Variants in PPP1R13B observed in about 807,000 individuals in gnomAD.
The protein encoded by PPP1R13B is apoptosis-stimulating of p53 protein 1.
In PPP1R13B, 44 loss-of-function variants were observed where a neutral mutation model predicts 119.8. The ratio of observed to expected loss-of-function variants is 0.37; its 90% CI spans 0.29 to 0.47. The LOEUF (loss-of-function observed/expected upper bound fraction) is 0.47, where lower values mean the gene tolerates loss of function less well. Ranked by LOEUF, PPP1R13B falls within the 20% of genes least tolerant of loss-of-function variation. PPP1R13B has a pLI of 0.99. For synonymous variants in PPP1R13B, 542 were observed against 561.5 expected (o/e 0.97, Z 0.49); for missense variants, 1,227 against 1,413.5 (o/e 0.87, Z 2.12).
chr14:103,755,456 A>T (rs1428567623), intron 5 of PPP1R13B, among the ~76,000 whole-genome samples: 1 of 152,236 alleles, frequency 6.6e-6, no homozygotes, highest in East Asian at 1.9e-4. Flanking sequence ...ATACCAGAAC[A>T]ATCTAAAAAT....
At position 103,740,694 on chromosome 14, in the gene PPP1R13B, A is replaced by G; in HGVS notation, c.1823-101T>C. Reference sequence around the variant, plus strand: ...GAGACAGGCTCCTGCAAAGACACACATATACATCTGCTGCTGTTATTCAAT... The same window carrying G: ...GAGACAGGCTCCTGCAAAGACACACGTATACATCTGCTGCTGTTATTCAAT... On this transcript the variant is annotated intron_variant, in intron 11 of 16. Transcript: ENST00000202556. This position sits in a 1 kb window ranked among gnomAD's most constrained non-coding sequence, Gnocchi z 4.6. 1 of 978,726 alleles carries G rather than the reference A, an allele frequency of 1.0e-6. No individual in the cohort carries two copies. The highest frequency in any genetic ancestry group is 1.4e-6 in the Non-Finnish European group (1 of 724,510). The allele number at this position is 978,726 out of a possible 1,614,324, so 60.6% of individuals were successfully genotyped here. A position where few individuals can be genotyped will look rare whatever the true frequency, so the allele number is the denominator to read the frequency against.
In PPP1R13B at chr14:103,786,904, C is replaced by A. The variant is rs2085477686; in HGVS notation, c.158-1990G>T. Among the ~76,000 whole-genome samples, 3 of 149,254 alleles carry A rather than the reference C, an allele frequency of 2.0e-5. No homozygotes were observed. In the Admixed American group the frequency reaches 2.0e-4, roughly 10 times the overall value. On this transcript the variant is annotated intron_variant, in intron 2 of 16. Transcript: ENST00000202556. ...TGTATTTTTAGTAGAGATGGGGTTTCACCATGTTGGTCAGGTTGGTCTCGA... is the reference window on the plus strand; with the variant it reads ...TGTATTTTTAGTAGAGATGGGGTTTAACCATGTTGGTCAGGTTGGTCTCGA...
At chr14:103,820,194 G>A (rs2086374563) in intron 1 of PPP1R13B, among the ~76,000 whole-genome samples, 5 of 152,112 alleles carry the variant, frequency 3.3e-5, no homozygotes. Context: ...TACGGACAAC[G>A]CCCCTCCCTT....
chr14:103,813,758 C>A (rs1238580402), intron 1 of PPP1R13B, among the ~76,000 whole-genome samples: 1 of 152,034 alleles, frequency 6.6e-6, no homozygotes, highest in African/African-American at 2.4e-5. Flanking sequence ...AGATACGTGT[C>A]TGAGTATTTA....
At chr14:103,735,971 C>CTA in intron 16 of PPP1R13B, 32 bp downstream of exon 16, 1 of 1,611,740 alleles carries the variant, frequency 6.2e-7, no homozygotes, top group Non-Finnish European at 8.5e-7. Flanking sequence ...ACACGGGCAG[C>CTA]TAGTTTCCCA....
chr14:103,796,465 A>C (rs1368924343), intron 2 of PPP1R13B, among the ~76,000 whole-genome samples: 2 of 152,230 alleles, frequency 1.3e-5, no homozygotes, highest in Non-Finnish European at 2.9e-5. Flanking sequence ...TCAAGCAGAC[A>C]GTATCAAGTG....
chr14:103,753,966 T>G, intron 6 of PPP1R13B, 104 bp downstream of exon 6: 1 of 1,377,654 alleles, frequency 7.3e-7, no homozygotes. Context: ...ACGCTTGCTA[T>G]TTAGTCCTGT....
chr14:103,767,956 C>A (rs2084973527), intron 4 of PPP1R13B, among the ~76,000 whole-genome samples: 1 of 152,094 alleles, frequency 6.6e-6, no homozygotes, highest in African/African-American at 2.4e-5. Context: ...CCAAAAATGC[C>A]CTTTCTTTCT....
chr14:103,771,398 T>C (rs1249109340), intron 4 of PPP1R13B, among the ~76,000 whole-genome samples: 1 of 152,000 alleles, frequency 6.6e-6, no homozygotes, highest in Admixed American at 6.6e-5. Context: ...AAATTATTAG[T>C]TGCTGAACAT....
intron 1 of PPP1R13B, among the ~76,000 whole-genome samples, chr14:103,836,169 C>T (rs565073974): frequency 6.6e-6 from 1 of 151,950 alleles, no homozygotes; most frequent in South Asian, 2.1e-4. Context: ...CCTCACCCTC[C>T]CAAATAGCTG....
chr14:103,735,245 A>G (rs1409648730), intron 16 of PPP1R13B, 50 bp from the exon 17 acceptor site: 2 of 1,601,240 alleles, frequency 1.2e-6, no homozygotes, highest in African/African-American at 2.7e-5. Flanking sequence ...CACAGGGAGC[A>G]GGGCCAGCCA....
chr14:103,805,699 A>G (rs1157621532), intron 1 of PPP1R13B, among the ~76,000 whole-genome samples: 2 of 152,260 alleles, frequency 1.3e-5, no homozygotes, highest in African/African-American at 4.8e-5. Context: ...CAGCAATAAA[A>G]GTAACAAAGT....
intron 1 of PPP1R13B, among the ~76,000 whole-genome samples, chr14:103,840,786 C>T (rs539685274): frequency 2.1e-4 from 30 of 142,488 alleles, no homozygotes; most frequent in African/African-American, 8.7e-4. Context: ...AGGAGACTTC[C>T]TCTCAAAAAA....
intron 1 of PPP1R13B, among the ~76,000 whole-genome samples, chr14:103,834,731 C>T (rs2086736806): frequency 6.6e-6 from 1 of 151,848 alleles, no homozygotes; most frequent in Admixed American, 6.6e-5. Context: ...ACTGGGATTA[C>T]AGGTACCCAC....
At chr14:103,802,249 C>T (rs1312247730) in intron 1 of PPP1R13B, among the ~76,000 whole-genome samples, 2 of 152,068 alleles carry the variant, frequency 1.3e-5, no homozygotes, top group African/African-American at 4.8e-5. Context: ...GCGGAGCTTG[C>T]AGTGAGCCAA....
chr14:103,754,611 T>C (rs1367782690), intron 5 of PPP1R13B, among the ~76,000 whole-genome samples: 4 of 145,638 alleles, frequency 2.7e-5, no homozygotes. Flanking sequence ...TACTTTTATA[T>C]ACTCAAAAAG....
At chr14:103,823,119 A>G (rs963415555) in intron 1 of PPP1R13B, among the ~76,000 whole-genome samples, 1 of 152,006 alleles carries the variant, frequency 6.6e-6, no homozygotes, top group Non-Finnish European at 1.5e-5. Context: ...CAGGCAGATC[A>G]TGAGGTCAGG....
chr14:103,739,922 G>C lies in PPP1R13B; in HGVS notation c.2494C>G (p.Gln832Glu). The change falls in exon 12 of 17, where the codon CAG becomes GAG. Residue 832 changes from glutamine to glutamate, a missense_variant. Transcript: ENST00000202556. ...NNVATVPTTE[Q>E]IPSPVAEAPS... is the part of the protein sequence containing the mutation. ...GCCTCAGCCACAGGACTCGGGATCTGCTCCGTGGTGGGGACCGTGGCCACG... is the reference window on the plus strand; with the variant it reads ...GCCTCAGCCACAGGACTCGGGATCTCCTCCGTGGTGGGGACCGTGGCCACG... The C allele has an allele frequency of 6.2e-7, 1 of 1,614,148 alleles. No homozygotes were observed. The highest frequency in any genetic ancestry group is 8.5e-7 in the Non-Finnish European group (1 of 1,180,046).
intron 1 of PPP1R13B, among the ~76,000 whole-genome samples, chr14:103,845,726 G>A (rs1182233878): frequency 6.6e-6 from 1 of 152,130 alleles, no homozygotes; most frequent in Non-Finnish European, 1.5e-5. Flanking sequence ...TGCCACCACA[G>A]TATGAATGCA....
Sources: gnomAD v4.1 joint callset for allele counts (sites outside exome capture counted in the v4.1 genomes callset) on GRCh38, gnomAD v4.1.1 for gene constraint, Gnocchi (gnomAD v3.1) non-coding constraint, MANE v1.5 for transcripts, NCBI Gene and HGNC (gene_info 2026-07-23, HGNC 2026-07-21) for gene names.